Variants in FYCO1 observed in about 807,000 individuals in gnomAD.
FYCO1 encodes FYVE and coiled-coil domain autophagy adaptor 1.
FYCO1 carries 122 observed loss-of-function variants against 165.1 expected under a neutral mutation model. That is an observed-to-expected ratio of 0.74 (90% CI 0.64 to 0.86). FYCO1 has a LOEUF of 0.86. Among genes scored for constraint, FYCO1 ranks in the 40% least tolerant of loss-of-function variants. The probability of loss-of-function intolerance (pLI) is 0.00; values close to 1 mark genes in which losing one functional copy is unlikely to be tolerated. For missense variants in FYCO1, 1,702 were observed against 1,810.3 expected, an observed-to-expected ratio of 0.94 and a Z score of 1.09; for synonymous variants, 648 against 742.5, an observed-to-expected ratio of 0.87 and a Z score of 2.07.
intron 14 of FYCO1, among the ~76,000 whole-genome samples, chr3:45,941,502 C>T (rs918088977): frequency 1.3e-5 from 2 of 152,148 alleles, no homozygotes; most frequent in Non-Finnish European, 1.5e-5. Context: ...AAACAATTAA[C>T]ACTATAAATT....
intron 1 of FYCO1, among the ~76,000 whole-genome samples, chr3:45,995,448 C>G (rs1707760777): frequency 6.6e-6 from 1 of 152,272 alleles, no homozygotes; most frequent in Non-Finnish European, 1.5e-5. Flanking sequence ...GCCCTCCGCC[C>G]TCCGGGGTCT....
chr3:45,955,377 G>T lies in FYCO1; in HGVS notation c.3816C>A (p.Tyr1272Ter). Reference protein sequence around the residue: ...ATGGQGANTDYRPPDDAVFDI... With the variant: ...ATGGQGANTD ...CAAACACAGCGTCGTCCGGTGGCCT[G>T]TAGTCTGTATTTGCTCCTGGGCAGC... is the stretch of plus-strand genomic sequence containing the variant. Residue 1272 changes from tyrosine to a stop codon, truncating the protein, a stop_gained, in exon 14 of 18, where the codon TAC (tyrosine) becomes TAA (stop). Coordinates refer to ENST00000296137, the MANE Select transcript of FYCO1 (RefSeq NM_024513.4). LOFTEE classifies it high-confidence loss of function. The T allele has an allele frequency of 1.2e-6, 2 of 1,614,214 alleles. No individual in the cohort carries two copies. The highest frequency in any genetic ancestry group is 1.7e-6 in the Non-Finnish European group (2 of 1,180,036).
rs1706021005 is a variant in FYCO1, at chr3:45,966,447, C to A, written c.2887G>T (p.Glu963Ter). 6.2e-7 allele frequency: 1 copy of A among 1,612,024 alleles called. No individual in the cohort carries two copies. Among genetic ancestry groups the A allele is most frequent in the East Asian group, 2.2e-5 (1 of 44,820 alleles). The change falls in exon 8 of 18, where the codon GAG (glutamate) becomes TAG (stop). Residue 963 changes from glutamate (E) to a stop codon, truncating the protein, a stop_gained. Coordinates refer to ENST00000296137, the MANE Select transcript of FYCO1 (RefSeq NM_024513.4). LOFTEE classifies it high-confidence loss of function. ...GCTGCCTTGGCCGCCTTCAGCTTCT[C>A]CTGCAAGCTCTCCTTCTCTTGCTGC... ...GLQQEKESLQ[E>*]KLKAAKAAAG...
chr3:45,921,570 A>G lies in FYCO1; in HGVS notation c.*195T>C, dbSNP rs1370472205. On this transcript the variant is annotated 3_prime_UTR_variant, in exon 18 of 18. Transcript: ENST00000296137. ...AATGGAAACATTGCCTGAGCCCTTCAACGCCTCGGGGGCTAAGAGTGGCCG... is the reference window on the plus strand; with the variant it reads ...AATGGAAACATTGCCTGAGCCCTTCGACGCCTCGGGGGCTAAGAGTGGCCG... The G allele has an allele frequency of 1.5e-5, 9 of 602,260 alleles. No homozygotes were observed. Among genetic ancestry groups the G allele is most frequent in the African/African-American group, 1.5e-4 (8 of 54,134 alleles). 37.3% of individuals were successfully genotyped at this position (602,260 alleles called of 1,614,324 possible).
rs1706246401 is a variant in FYCO1 at position 45,968,596 on chromosome 3, C to T, written c.738G>A (p.Glu246=). 6.2e-7 allele frequency: 1 copy of T among 1,614,006 alleles called. No homozygotes were observed. The highest frequency in any genetic ancestry group is 8.5e-7 in the Non-Finnish European group (1 of 1,180,006). Residue 246 remains glutamate, a synonymous_variant, in exon 8 of 18, where the codon GAG becomes GAA. Coordinates refer to ENST00000296137, the MANE Select transcript of FYCO1 (RefSeq NM_024513.4). The stretch of plus-strand genomic sequence containing the variant: ...GCTGCATGCGCTCCCGTAGCTGCTT[C>T]TCCCGCACCTCCAACTGGTCCAGCT... ...RLELDQLEVR[E]KQLRERMQQL...
intron 14 of FYCO1, chr3:45,946,191 T>C (rs1002950390): frequency 6.0e-6 from 2 of 335,198 alleles, no homozygotes; most frequent in Non-Finnish European, 1.1e-5. Flanking sequence ...CAGGATTTTA[T>C]GGAATGTGCT....
chr3:45,986,421 C>A (rs957468012), intron 1 of FYCO1, among the ~76,000 whole-genome samples: 1 of 152,196 alleles, frequency 6.6e-6, no homozygotes, highest in Non-Finnish European at 1.5e-5. Flanking sequence ...GGAAACCACC[C>A]CAGCCACAAG....
At chr3:45,977,861 A>T (rs181755968) in intron 4 of FYCO1, among the ~76,000 whole-genome samples, 2 of 152,338 alleles carry the variant, frequency 1.3e-5, no homozygotes, top group East Asian at 3.9e-4. Flanking sequence ...TTAAAGACCC[A>T]GATGGCTACT....
Position 45,967,508 on chromosome 3 carries a change from C to A in FYCO1, c.1826G>T (p.Ser609Ile), listed in dbSNP as rs768501163. The A allele has an allele frequency of 6.2e-7, 1 of 1,613,716 alleles. No individual in the cohort carries two copies. Among genetic ancestry groups the A allele is most frequent in the East Asian group, 2.2e-5 (1 of 44,864 alleles). ...GGCCTGCCGGAGCTCTTCCTCCTGGCTGCCCTCTTGCACCTTGGTATCGTC... is the reference window on the plus strand; with the variant it reads ...GGCCTGCCGGAGCTCTTCCTCCTGGATGCCCTCTTGCACCTTGGTATCGTC... Reference protein sequence around the residue: ...QLDDTKVQEGSQEEELRQANR... With the variant: ...QLDDTKVQEGIQEEELRQANR... The change falls in exon 8 of 18, where the codon AGC becomes ATC. Residue 609 changes from serine (S) to isoleucine (I), a missense_variant. Physicochemically the swap from Ser to Ile is moderately radical, Grantham distance 142 (BLOSUM62 -2). Transcript: ENST00000296137.
In FYCO1 at chr3:45,919,108, C is replaced by T. The variant is rs1039096843; in HGVS notation, c.*2657G>A. ...AAAGAGTGATCTGGGATCCCAAGGA[C>T]GCTTCCTTCTGGCTGATTTCTAGTG... On this transcript the variant is annotated 3_prime_UTR_variant, in exon 18 of 18. Coordinates refer to ENST00000296137, the MANE Select transcript of FYCO1 (RefSeq NM_024513.4). The T allele has an allele frequency of 6.6e-5, 10 of 150,670 alleles. No individual in the cohort carries two copies. The highest frequency in any genetic ancestry group is 1.3e-4 in the Admixed American group (2 of 15,112). The allele number at this position is 150,670 out of a possible 1,614,324, so 9.3% of individuals were successfully genotyped here.
chr3:45,920,848 G>A lies in FYCO1; in HGVS notation c.*917C>T, dbSNP rs1050549346. ...AAACATGTCTGCAGGTGGGGCAGAA[G>A]CTCTTATTTATATAAACAAAAGTGG... On this transcript the variant is annotated 3_prime_UTR_variant, in exon 18 of 18. Transcript: ENST00000296137. 1.3e-5 allele frequency: 2 copies of A among 152,640 alleles called. No homozygotes were observed. Among genetic ancestry groups the A allele is most frequent in the African/African-American group, 4.8e-5 (2 of 41,428 alleles). The allele number at this position is 152,640 out of a possible 1,614,324, so 9.5% of individuals were successfully genotyped here.
Position 45,919,375 on chromosome 3 carries a change from AT to A in FYCO1, c.*2389del. 6.6e-6 allele frequency: 1 copy of A among 152,372 alleles called. No homozygotes were observed. The highest frequency in any genetic ancestry group is 3.4e-3 in the Middle Eastern group (1 of 294). The allele number at this position is 152,372 out of a possible 1,614,324, so 9.4% of individuals were successfully genotyped here. A position where few individuals can be genotyped will look rare whatever the true frequency, so the allele number is the denominator to read the frequency against. On this transcript the variant is annotated 3_prime_UTR_variant, in exon 18 of 18. Transcript: ENST00000296137. ...TACAAATGTCCACCCAGCACAAAAAATAAATTCGCTAATGAAACCACATAGT... is the reference window on the plus strand; with the variant it reads ...TACAAATGTCCACCCAGCACAAAAAAAAATTCGCTAATGAAACCACATAGT...
rs1389467070 is a variant in FYCO1 at position 45,984,995 on chromosome 3, C to T, written c.-85G>A. The stretch of plus-strand genomic sequence containing the variant: ...TTTCGGCCCTCGGTGGCTGTCTGCT[C>T]AGCAGTGGTCAGACTCCATGGTGGC... On this transcript the variant is annotated 5_prime_UTR_variant, in exon 2 of 18. The change abolishes the stop of an existing upstream ORF in the 5' untranslated region. Coordinates refer to ENST00000296137, the MANE Select transcript of FYCO1 (RefSeq NM_024513.4). The T allele has an allele frequency of 7.8e-7, 1 of 1,286,252 alleles. No individual in the cohort carries two copies. 79.7% of individuals were successfully genotyped at this position (1,286,252 alleles called of 1,614,324 possible). A position where few individuals can be genotyped will look rare whatever the true frequency, so the allele number is the denominator to read the frequency against.
chr3:45,968,828 A>G (rs1247292068), intron 7 of FYCO1, 125 bp from the exon 8 acceptor site: 2 of 1,119,672 alleles, frequency 1.8e-6, no homozygotes, highest in African/African-American at 1.5e-5. Flanking sequence ...AGGTTAGTCT[A>G]AAGAACTATT....
intron 1 of FYCO1, among the ~76,000 whole-genome samples, chr3:45,995,144 G>A (rs930022805): frequency 6.6e-6 from 1 of 151,758 alleles, no homozygotes; most frequent in African/African-American, 2.4e-5. Flanking sequence ...AAGACCCCTG[G>A]GGGCTAGCTC....
intron 1 of FYCO1, among the ~76,000 whole-genome samples, chr3:45,988,168 G>T (rs1218882094): frequency 6.6e-6 from 1 of 152,186 alleles, no homozygotes; most frequent in Non-Finnish European, 1.5e-5. Context: ...CCCCACTCTG[G>T]CTCTGGGTCA....
chr3:45,937,894 G>A (rs1178481282), intron 14 of FYCO1, among the ~76,000 whole-genome samples: 1 of 152,150 alleles, frequency 6.6e-6, no homozygotes, highest in Non-Finnish European at 1.5e-5. Flanking sequence ...GAACATCAGT[G>A]CAAGAAGCTG....
chr3:45,960,087 C>T (rs1299269270), intron 11 of FYCO1, among the ~76,000 whole-genome samples: 1 of 152,196 alleles, frequency 6.6e-6, no homozygotes, highest in Non-Finnish European at 1.5e-5. Flanking sequence ...CTCCAAGAAG[C>T]CAGACTCAAA....
rs371290016 is a variant in FYCO1 at position 45,973,176 on chromosome 3, C to G, written c.451G>C (p.Val151Leu). ...TCAGTCAGCTCATAGAGTTGGCCCA[C>G]AATGTCCGAGCTCAGCTTTGGCTGC... ...FLQPKLSSDI[V>L]GQLYELTEVQ... The change falls in exon 6 of 18, where the codon GTG becomes CTG. Residue 151 changes from valine to leucine, a missense_variant. Coordinates refer to ENST00000296137, the MANE Select transcript of FYCO1 (RefSeq NM_024513.4). The G allele has an allele frequency of 6.2e-7, 1 of 1,614,230 alleles. No homozygotes were observed. The highest frequency in any genetic ancestry group is 1.3e-5 in the African/African-American group (1 of 75,068).
Sources: allele counts gnomAD v4.1 joint callset (sites outside exome capture counted in the v4.1 genomes callset), GRCh38; gene constraint gnomAD v4.1.1; transcripts MANE v1.5; gene names NCBI Gene and HGNC (gene_info 2026-07-23, HGNC 2026-07-21).